RBM20: variants seen among roughly 807,000 people sequenced by gnomAD.
The protein encoded by RBM20 is RNA binding motif protein 20, also known as RNA-binding protein 20.
A neutral mutation model predicts 110.1 loss-of-function variants in RBM20; 51 were observed. The ratio of observed to expected loss-of-function variants is 0.46; its 90% CI spans 0.37 to 0.59. The LOEUF (loss-of-function observed/expected upper bound fraction) is 0.59, where lower values mean the gene tolerates loss of function less well. RBM20 is among the 20% of genes least tolerant of loss of function. The pLI is 0.00. For synonymous variants in RBM20, 589 were observed against 618.2 expected (o/e 0.95, Z 0.70); for missense variants, 1,512 against 1,574.9 (o/e 0.96, Z 0.68).
At chr10:110,793,406 CAG>C (rs1289646846) in intron 5 of RBM20, among the ~76,000 whole-genome samples, 3 of 152,302 alleles carry the variant, frequency 2.0e-5, no homozygotes, top group East Asian at 3.9e-4. Flanking sequence ...TAATCAAAGA[CAG>C]AGACACACCA....
chr10:110,820,276 G>A lies in RBM20; in HGVS notation c.2655+100G>A, dbSNP rs775330243. The A allele has an allele frequency of 1.0e-4, 77 of 741,322 alleles. No individual in the cohort carries two copies. In the Middle Eastern group the frequency reaches 1.2e-3, roughly 11 times the overall value. The allele number at this position is 741,322 out of a possible 1,614,324, so 45.9% of individuals were successfully genotyped here. On this transcript the variant is annotated intron_variant, in intron 10 of 13. Coordinates refer to ENST00000369519, the MANE Select transcript of RBM20 (RefSeq NM_001134363.3). ...GTCCTGCTGGATGGAATATGGCTGAGACCCCACCATTAGTTCCATGAATGA... is the reference window on the plus strand; with the variant it reads ...GTCCTGCTGGATGGAATATGGCTGAAACCCCACCATTAGTTCCATGAATGA...
chr10:110,710,505 C>T (rs1862908841), intron 1 of RBM20, among the ~76,000 whole-genome samples: 1 of 152,240 alleles, frequency 6.6e-6, no homozygotes, highest in South Asian at 2.1e-4. Flanking sequence ...ACTGGGCCTC[C>T]TCAGAGAGCC....
At chr10:110,829,495 C>T (rs1473101326) in intron 12 of RBM20, among the ~76,000 whole-genome samples, 8 of 152,182 alleles carry the variant, frequency 5.3e-5, no homozygotes, top group East Asian at 3.9e-4. Flanking sequence ...CTGAGGAGGA[C>T]GCCTCAGGCC....
At chr10:110,786,303 G>C (rs746424160) in intron 5 of RBM20, among the ~76,000 whole-genome samples, 1 of 152,182 alleles carries the variant, frequency 6.6e-6, no homozygotes, top group African/African-American at 2.4e-5. Context: ...CTTCTCCTGC[G>C]AGTGAACACA....
chr10:110,797,939 A>T (rs977821326), intron 6 of RBM20, among the ~76,000 whole-genome samples: 1 of 152,214 alleles, frequency 6.6e-6, no homozygotes, highest in Non-Finnish European at 1.5e-5. Flanking sequence ...CACCCAAAAT[A>T]AAAATCTATG....
chr10:110,773,830 A>G (rs1355614652), intron 1 of RBM20, among the ~76,000 whole-genome samples: 1 of 152,182 alleles, frequency 6.6e-6, no homozygotes, highest in African/African-American at 2.4e-5. Flanking sequence ...GTGACTGCAT[A>G]GTCCCCTGGT....
intron 7 of RBM20, among the ~76,000 whole-genome samples, chr10:110,803,626 C>T (rs1245723419): frequency 6.6e-6 from 1 of 151,934 alleles, no homozygotes; most frequent in Non-Finnish European, 1.5e-5. Flanking sequence ...TTTCTGCTCC[C>T]CAAGCTGCCA....
chr10:110,728,337 G>C (rs999326667), intron 1 of RBM20, among the ~76,000 whole-genome samples: 1 of 152,104 alleles, frequency 6.6e-6, no homozygotes, highest in Admixed American at 6.5e-5. Flanking sequence ...AGACTATCTG[G>C]GTAGCCCAAG....
intron 5 of RBM20, among the ~76,000 whole-genome samples, chr10:110,790,411 G>A (rs182988337): frequency 6.6e-6 from 1 of 152,224 alleles, no homozygotes; most frequent in African/African-American, 2.4e-5. Flanking sequence ...ACCTGGGTAG[G>A]TTTTGTTTTG....
At chr10:110,801,969 C>G (rs1241762659) in intron 7 of RBM20, among the ~76,000 whole-genome samples, 2 of 152,104 alleles carry the variant, frequency 1.3e-5, no homozygotes, top group African/African-American at 2.4e-5. Context: ...GGTCATCTGC[C>G]CATGCTTTTC....
intron 13 of RBM20, among the ~76,000 whole-genome samples, chr10:110,831,666 TA>T (rs869203382): frequency 0.036 from 2,078 of 58,426 alleles, 55 homozygotes; most frequent in African/African-American, 0.098. Flanking sequence ...CTTGCTAGAA[TA>T]AAAAAAAAAA....
At chr10:110,673,805 G>A (rs1010346834) in intron 1 of RBM20, among the ~76,000 whole-genome samples, 7 of 152,160 alleles carry the variant, frequency 4.6e-5, no homozygotes, top group Admixed American at 1.3e-4. Flanking sequence ...GATTGAAGTG[G>A]TACTAGAGGT....
chr10:110,779,067 G>C (rs1245200277), intron 1 of RBM20, among the ~76,000 whole-genome samples: 11 of 152,176 alleles, frequency 7.2e-5, no homozygotes, highest in Admixed American at 7.2e-4. Flanking sequence ...GTCTTCCTCA[G>C]GTTTCCTAGC....
In RBM20 at chr10:110,821,294, A is replaced by T. The variant is rs907302447; in HGVS notation, c.2675A>T (p.Glu892Val). 4.5e-6 allele frequency: 7 copies of T among 1,551,266 alleles called. 1 individual carries two copies. Among genetic ancestry groups the T allele is most frequent in the Non-Finnish European group, 6.1e-6 (7 of 1,146,704 alleles). ...RTKKEQDWES[E>V]SEAEGESWYP... ...GTACAGGAACAAGATTGGGAGAGTG[A>T]AAGTGAGGCAGAGGGGGAGAGCTGG... Residue 892 changes from glutamate to valine, a missense_variant, in exon 11 of 14, where the codon GAA becomes GTA. By Grantham distance (121) the Glu-to-Val change is moderately radical. Transcript: ENST00000369519.
intron 1 of RBM20, among the ~76,000 whole-genome samples, chr10:110,767,174 C>A (rs1346960257): frequency 8.0e-6 from 1 of 125,430 alleles, no homozygotes; most frequent in South Asian, 2.4e-4. Context: ...TGACCCCCCC[C>A]ACCTCCCTCC....
Position 110,781,342 on chromosome 10 carries a change from G to C in RBM20, c.733G>C (p.Asp245His). The stretch of plus-strand genomic sequence containing the variant: ...TGGCCAGACATATGGCCCTGAAACA[G>C]ATGGTCAGCCTGGCTTCCTGCCATC... Reference protein sequence around the residue: ...SSGQTYGPETDGQPGFLPSSA... With the variant: ...SSGQTYGPETHGQPGFLPSSA... Residue 245 changes from aspartate (D) to histidine (H), a missense_variant, in exon 2 of 14, where the codon GAT becomes CAT. By Grantham distance (81) the Asp-to-His change is moderately conservative. Coordinates refer to ENST00000369519, the MANE Select transcript of RBM20 (RefSeq NM_001134363.3). 1 of 1,551,734 alleles carries C rather than the reference G, an allele frequency of 6.4e-7. No homozygotes were observed. Among genetic ancestry groups the C allele is most frequent in the Non-Finnish European group, 8.7e-7 (1 of 1,147,010 alleles).
At position 110,821,298 on chromosome 10, in the gene RBM20, T is replaced by C. The variant is rs1243335115; in HGVS notation, c.2679T>C (p.Ser893=). ...AGGAACAAGATTGGGAGAGTGAAAG[T>C]GAGGCAGAGGGGGAGAGCTGGTATC... is the stretch of plus-strand genomic sequence containing the variant. The part of the protein sequence containing the change: ...TKKEQDWESE[S]EAEGESWYPT... The change falls in exon 11 of 14, where the codon AGT becomes AGC. Residue 893 remains serine, a synonymous_variant. Transcript: ENST00000369519. The C allele has an allele frequency of 1.6e-5, 25 of 1,551,294 alleles. No homozygotes were observed. The highest frequency in any genetic ancestry group is 2.2e-5 in the Non-Finnish European group (25 of 1,146,672).
At chr10:110,659,616 G>A (rs1181193454) in intron 1 of RBM20, among the ~76,000 whole-genome samples, 5 of 152,156 alleles carry the variant, frequency 3.3e-5, no homozygotes, top group Non-Finnish European at 7.4e-5. Flanking sequence ...CTTAAAACCT[G>A]CTTGCATCAA....
intron 1 of RBM20, among the ~76,000 whole-genome samples, chr10:110,645,284 G>A (rs556522765): frequency 2.0e-5 from 3 of 151,580 alleles, no homozygotes; most frequent in Admixed American, 1.3e-4. Context: ...AAGGTTGGGG[G>A]TGGTTAATAA....
Sources: gnomAD v4.1 joint callset for allele counts (sites outside exome capture counted in the v4.1 genomes callset) on GRCh38, gnomAD v4.1.1 for gene constraint, MANE v1.5 for transcripts, NCBI Gene and HGNC (gene_info 2026-07-23, HGNC 2026-07-21) for gene names.